The following MDN1 variants were observed in gnomAD, a reference collection of about 807,000 sequenced individuals.
The protein encoded by MDN1 is midasin AAA ATPase 1.
In MDN1, 266 loss-of-function variants were observed where a neutral mutation model predicts 669.2. That is an observed-to-expected ratio of 0.40 (90% confidence interval 0.36 to 0.44). The LOEUF (loss-of-function observed/expected upper bound fraction) is 0.44, where lower values mean the gene tolerates loss of function less well. Ranked by LOEUF, MDN1 falls within the 20% of genes least tolerant of loss-of-function variation. The probability of loss-of-function intolerance (pLI) is 1.00; values close to 1 mark genes in which losing one functional copy is unlikely to be tolerated. For missense variants in MDN1, 5,940 were observed against 6,754.0 expected (o/e 0.88, Z 4.22); for synonymous variants, 2,385 against 2,457.1 (o/e 0.97, Z 0.87).
At position 89,695,593 on chromosome 6, in the gene MDN1, T is replaced by C; in HGVS notation, c.9771+12A>G. On this transcript the variant is annotated intron_variant, in intron 61 of 101. Coordinates refer to ENST00000369393, the MANE Select transcript of MDN1 (RefSeq NM_014611.3). The surrounding 1 kb of genome is among the most constrained non-coding windows in gnomAD (Gnocchi z 4.1). ...GGAAGGAGCCCATGCTCCATACTCT[T>C]GCCTCCCATACCTCTTCCTTGACGT... 1 of 1,573,718 alleles carries C rather than the reference T, an allele frequency of 6.4e-7. No homozygotes were observed. Among genetic ancestry groups the C allele is most frequent in the Non-Finnish European group, 8.7e-7 (1 of 1,154,910 alleles).
intron 36 of MDN1, among the ~76,000 whole-genome samples, chr6:89,728,488 T>G (rs953723055): frequency 4.6e-5 from 7 of 152,134 alleles, no homozygotes; most frequent in Admixed American, 4.6e-4. Flanking sequence ...CCAAAGAAGA[T>G]TTAGTTTGGA....
rs781770534 is a variant in MDN1, at chr6:89,790,210, T to C, written c.1047A>G (p.Thr349=). The change falls in exon 6 of 102, where the codon ACA becomes ACG. Residue 349 remains threonine (T), a synonymous_variant. Coordinates refer to ENST00000369393, the MANE Select transcript of MDN1 (RefSeq NM_014611.3). ...GGACTTTGAGAAGCTGAGGAGGCTT[T>C]GTTCTACCTGTCACTGCAGCTAAAT... ...VEYLAAVTGR[T]KPPQLLKVQL... 6.2e-7 allele frequency: 1 copy of C among 1,614,204 alleles called. No homozygotes were observed. The highest frequency in any genetic ancestry group is 1.1e-5 in the South Asian group (1 of 91,074).
rs894102548 is a variant in MDN1, at chr6:89,718,504, G to T, written c.6445C>A (p.His2149Asn). The change falls in exon 43 of 102, where the codon CAT (histidine) becomes AAT (asparagine). Residue 2149 changes from histidine to asparagine, a missense_variant. Around this residue, in one of 5 missense-constraint regions of MDN1, gnomAD observed 2,292 missense variants for 2,638.3 expected, o/e 0.87. Coordinates refer to ENST00000369393, the MANE Select transcript of MDN1 (RefSeq NM_014611.3). ...TTAGGCTTATATGTCAGAAGAAAATGACTCCAGGCTCGCAGCACTACTTCT... is the reference window on the plus strand; with the variant it reads ...TTAGGCTTATATGTCAGAAGAAAATTACTCCAGGCTCGCAGCACTACTTCT... ...DAEVVLRAWS[H>N]FLLTYKPKCL... 2.5e-6 allele frequency: 4 copies of T among 1,614,004 alleles called. No homozygotes were observed. The highest frequency in any genetic ancestry group is 3.4e-6 in the Non-Finnish European group (4 of 1,180,044).
chr6:89,789,954 T>C, intron 6 of MDN1, 43 bp from the exon 7 acceptor site: 3 of 1,602,802 alleles, frequency 1.9e-6, no homozygotes, highest in Non-Finnish European at 2.6e-6. Context: ...ACCATACCTG[T>C]AGTGGCAATG....
chr6:89,650,162 C>G lies in MDN1; in HGVS notation c.16068G>C (p.Arg5356=). The G allele has an allele frequency of 3.7e-6, 6 of 1,614,122 alleles. No homozygotes were observed. Among genetic ancestry groups the G allele is most frequent in the Non-Finnish European group, 5.1e-6 (6 of 1,180,012 alleles). Residue 5356 remains arginine (R), a synonymous_variant, in exon 97 of 102, where the codon CGG becomes CGC. Transcript: ENST00000369393. ...GACTAGCAATGTATGGAATGACTTT[C>G]CGTATGTTTAGTCGTTTCCCAGTTC... is the stretch of plus-strand genomic sequence containing the variant. The part of the protein sequence containing the change: ...DYRTGKRLNI[R]KVIPYIASQF...
At position 89,690,037 on chromosome 6, in the gene MDN1, G is replaced by A; in HGVS notation, c.10856C>T (p.Ser3619Leu). Reference protein sequence around the residue: ...GTNPALLSQNSMQAVMLIHQQ... With the variant: ...GTNPALLSQNLMQAVMLIHQQ... Reference sequence around the variant, plus strand: ...GTGTATCAGCATTACTGCCTGCATTGAATTCTGGGAGAGGAGAGCTGGGTT... The same window carrying A: ...GTGTATCAGCATTACTGCCTGCATTAAATTCTGGGAGAGGAGAGCTGGGTT... Residue 3619 changes from serine (S) to leucine (L), a missense_variant, in exon 65 of 102, where the codon TCA (serine) becomes TTA (leucine). By Grantham distance (145) the Ser-to-Leu change is moderately radical (BLOSUM62 -2). Around this residue, in one of 5 missense-constraint regions of MDN1, gnomAD observed 2,280 missense variants for 2,576.3 expected, o/e 0.88. Coordinates refer to ENST00000369393, the MANE Select transcript of MDN1 (RefSeq NM_014611.3). The A allele has an allele frequency of 6.2e-7, 1 of 1,614,202 alleles. No individual in the cohort carries two copies. Among genetic ancestry groups the A allele is most frequent in the Admixed American group, 1.7e-5 (1 of 60,030 alleles).
chr6:89,711,208 C>T (rs1379312015), intron 49 of MDN1, among the ~76,000 whole-genome samples: 1 of 152,106 alleles, frequency 6.6e-6, no homozygotes, highest in Non-Finnish European at 1.5e-5. Flanking sequence ...ACAATTCAAG[C>T]AATGTTGTTA....
Position 89,729,018 on chromosome 6 carries a change from G to A in MDN1, c.5262C>T (p.Ser1754=). 6.2e-7 allele frequency: 1 copy of A among 1,614,110 alleles called. No individual in the cohort carries two copies. The part of the protein sequence containing the change: ...KLKKPILLEG[S]PGVGKTSLVG... Reference sequence around the variant, plus strand: ...CCAAACTTGTCTTGCCAACACCAGGGGAACCCTCCAGGAGAATGGGCTTCT... The same window carrying A: ...CCAAACTTGTCTTGCCAACACCAGGAGAACCCTCCAGGAGAATGGGCTTCT... The change falls in exon 36 of 102, where the codon TCC becomes TCT. Residue 1754 remains serine (S), a synonymous_variant. Coordinates refer to ENST00000369393, the MANE Select transcript of MDN1 (RefSeq NM_014611.3).
intron 35 of MDN1, among the ~76,000 whole-genome samples, chr6:89,730,321 A>G (rs1333012848): frequency 1.3e-5 from 2 of 152,210 alleles, no homozygotes; most frequent in Non-Finnish European, 2.9e-5. Context: ...CCAGCCTTCA[A>G]GGGTTCACAA....
At chr6:89,774,842 C>CCTG in intron 12 of MDN1, 109 bp from the exon 13 acceptor site, 1 of 669,940 alleles carries the variant, frequency 1.5e-6, no homozygotes, top group Non-Finnish European at 2.6e-6. Flanking sequence ...AAGAATTATT[C>CCTG]TCTACTTCCC....
chr6:89,818,320 CAAAAAA>C (rs60891640), intron 1 of MDN1, among the ~76,000 whole-genome samples: 8 of 67,840 alleles, frequency 1.2e-4, no homozygotes, highest in Non-Finnish European at 1.8e-4. Context: ...GCCTCCGTCT[CAAAAAA>C]AAAAAAAAAA....
At chr6:89,779,792 G>A (rs961378630) in intron 11 of MDN1, among the ~76,000 whole-genome samples, 1 of 152,176 alleles carries the variant, frequency 6.6e-6, no homozygotes, top group Non-Finnish European at 1.5e-5. Context: ...CAGGCCGGGT[G>A]CGGTGGCTCA....
intron 22 of MDN1, among the ~76,000 whole-genome samples, 173 bp downstream of exon 22, chr6:89,753,339 C>T (rs141985213): frequency 1.0e-3 from 158 of 151,700 alleles, no homozygotes; most frequent in African/African-American, 3.6e-3. Flanking sequence ...CCAAAGAGCA[C>T]GCTTATTGGA....
At chr6:89,712,882 C>A in intron 47 of MDN1, 96 bp from the exon 48 acceptor site, 3 of 1,139,266 alleles carry the variant, frequency 2.6e-6, no homozygotes, top group African/African-American at 1.6e-5. Context: ...GACCACCTCA[C>A]AACAACTTTT....
chr6:89,677,828 C>G, intron 75 of MDN1, 132 bp from the exon 76 acceptor site: 4 of 1,141,944 alleles, frequency 3.5e-6, no homozygotes, highest in Non-Finnish European at 5.0e-6. Context: ...TGCAGACTCT[C>G]AGGCTGCACC....
intron 29 of MDN1, 114 bp downstream of exon 29, chr6:89,745,159 A>AAG: frequency 8.7e-7 from 1 of 1,152,184 alleles, no homozygotes; most frequent in Non-Finnish European, 1.2e-6. Flanking sequence ...AAAAGAAAAA[A>AAG]GAGGAAGGAG....
At chr6:89,755,537 C>CT (rs1247082176) in intron 20 of MDN1, among the ~76,000 whole-genome samples, 2 of 152,132 alleles carry the variant, frequency 1.3e-5, no homozygotes, top group Non-Finnish European at 2.9e-5. Context: ...CTGCCTTACT[C>CT]ATAGCTATAA....
In MDN1 at chr6:89,706,404, A is replaced by AT. The variant is rs967641011; in HGVS notation, c.8015-213dup. The stretch of plus-strand genomic sequence containing the variant: ...GAATCAGAAGTCTTTCAGATTTTCA[A>AT]TTTTTTTTTTTTGATTTTGGAAATC... On this transcript the variant is annotated intron_variant, in intron 52 of 101. Transcript: ENST00000369393. 6.0e-4 allele frequency among the ~76,000 whole-genome samples: 88 copies of AT among 147,456 alleles called. 2 individuals are homozygous for AT. The highest frequency in any genetic ancestry group is 3.5e-3 in the Middle Eastern group (1 of 288).
intron 8 of MDN1, among the ~76,000 whole-genome samples, chr6:89,786,167 G>A (rs185346164): frequency 7.2e-5 from 11 of 152,300 alleles, no homozygotes; most frequent in Non-Finnish European, 1.5e-4. Context: ...ACTGAGGCAC[G>A]AGAATCGCTT....
Sources: gnomAD v4.1 joint callset for allele counts (sites outside exome capture counted in the v4.1 genomes callset) on GRCh38, gnomAD v4.1.1 for gene constraint, gnomAD v4.1.1 regional missense constraint, Gnocchi (gnomAD v3.1) non-coding constraint, MANE v1.5 for transcripts, NCBI Gene and HGNC (gene_info 2026-07-23, HGNC 2026-07-21) for gene names.